SART3: variants seen among roughly 807,000 people sequenced by gnomAD.
The protein encoded by SART3 is spliceosome associated factor 3, U4/U6 recycling protein, also known as HIV-1 Tat-interacting protein of 110kDa.
Under a neutral mutation model 122.3 loss-of-function variants are expected in SART3, and 44 were observed. That is an observed-to-expected ratio of 0.36 (90% CI 0.28 to 0.46). SART3 has a LOEUF of 0.46. Ranked by LOEUF, SART3 falls within the 20% of genes least tolerant of loss-of-function variation. The pLI is 1.00. For missense variants in SART3, 1,101 were observed against 1,229.0 expected (o/e 0.90, Z 1.56); for synonymous variants, 442 against 454.0 (o/e 0.97, Z 0.34).
chr12:108,553,474 A>G lies in SART3; in HGVS notation c.313-4260T>C, dbSNP rs570893815. 3.3e-5 allele frequency among the ~76,000 whole-genome samples: 5 copies of G among 152,372 alleles called. No individual in the cohort carries two copies. The South Asian group carries it at 1.0e-3, about 32-fold the overall frequency. On this transcript the variant is annotated intron_variant, in intron 1 of 18. Coordinates refer to ENST00000546815, the MANE Select transcript of SART3 (RefSeq NM_014706.4). The stretch of plus-strand genomic sequence containing the variant: ...TTGTTTAAAAAGCTTTTGTTGGGAT[A>G]TAGGGATAATTTAAGTCTGTACACC...
intron 5 of SART3, among the ~76,000 whole-genome samples, chr12:108,543,679 T>C (rs1185770231): frequency 1.3e-5 from 2 of 152,190 alleles, no homozygotes; most frequent in Non-Finnish European, 2.9e-5. Flanking sequence ...ACCCAACCAT[T>C]TGATTAGACG....
Position 108,526,177 on chromosome 12 carries a change from C to T in SART3, c.2292G>A (p.Glu764=). ...KEEKSALQAL[E]MDRKSVEGRP... ...TCCCTTCTACACTTTTCCGGTCCAT[C>T]TCCAGTGCCTGAAGGGCTGATTTCT... The change falls in exon 16 of 19, where the codon GAG becomes GAA. Residue 764 remains glutamate (E), a synonymous_variant. Coordinates refer to ENST00000546815, the MANE Select transcript of SART3 (RefSeq NM_014706.4). 1 of 1,614,238 alleles carries T rather than the reference C, an allele frequency of 6.2e-7. No homozygotes were observed. Among genetic ancestry groups the T allele is most frequent in the South Asian group, 1.1e-5 (1 of 91,092 alleles).
intron 1 of SART3, among the ~76,000 whole-genome samples, chr12:108,551,816 G>A (rs73402786): frequency 0.025 from 3,783 of 152,136 alleles, 153 homozygotes; most frequent in African/African-American, 0.086. Flanking sequence ...CTCTGAACAC[G>A]TGAAAATTAA....
At chr12:108,555,871 G>C (rs1472043091) in intron 1 of SART3, among the ~76,000 whole-genome samples, 1 of 151,860 alleles carries the variant, frequency 6.6e-6, no homozygotes, top group Non-Finnish European at 1.5e-5. Flanking sequence ...ACCCTGCAAG[G>C]AAAGAAAAAA....
At chr12:108,559,883 C>T (rs2030416174) in intron 1 of SART3, among the ~76,000 whole-genome samples, 1 of 152,120 alleles carries the variant, frequency 6.6e-6, no homozygotes, top group Non-Finnish European at 1.5e-5. Context: ...ATTTCTTCCC[C>T]CACCTCAATC....
In SART3 at chr12:108,537,569, C is replaced by T. The variant is rs530361833; in HGVS notation, c.1228G>A (p.Gly410Ser). 6.8e-6 allele frequency: 11 copies of T among 1,613,968 alleles called. No homozygotes were observed. In the South Asian group the frequency reaches 9.9e-5, roughly 15 times the overall value. Residue 410 changes from glycine (G) to serine (S), a missense_variant, in exon 9 of 19, where the codon GGC (glycine) becomes AGC (serine). Gly to Ser is a moderately conservative substitution (Grantham distance 56). Around this residue, in one of 2 missense-constraint regions of SART3, gnomAD observed 885 missense variants for 1,080.1 expected, o/e 0.82. Transcript: ENST00000546815. ...SVTFEKALNA[G>S]FIQATDYVEI... ...ACATAATCAGTGGCCTGGATGAAGC[C>T]GGCATTCAAAGCTTTCTCGAAGGTT... is the stretch of plus-strand genomic sequence containing the variant.
At chr12:108,527,817 G>C (rs371920435) in intron 15 of SART3, among the ~76,000 whole-genome samples, 20 of 152,248 alleles carry the variant, frequency 1.3e-4, no homozygotes, top group African/African-American at 4.8e-4. Flanking sequence ...CCAGGCTGGA[G>C]TGCAACGGCA....
At chr12:108,525,250 A>T (rs1382225600) in intron 17 of SART3, among the ~76,000 whole-genome samples, 1 of 152,254 alleles carries the variant, frequency 6.6e-6, no homozygotes, top group Non-Finnish European at 1.5e-5. Flanking sequence ...CAAGTGTCTT[A>T]TTCTTTTTAG....
At chr12:108,553,353 T>C (rs1218583380) in intron 1 of SART3, among the ~76,000 whole-genome samples, 1 of 152,230 alleles carries the variant, frequency 6.6e-6, no homozygotes, top group African/African-American at 2.4e-5. Flanking sequence ...CAAAGTGTTA[T>C]CATTGAGGGA....
In SART3 at chr12:108,523,460, C is replaced by T. The variant is rs1358239479; in HGVS notation, c.2889G>A (p.Lys963=). 1 of 1,612,434 alleles carries T rather than the reference C, an allele frequency of 6.2e-7. No homozygotes were observed. Among genetic ancestry groups the T allele is most frequent in the South Asian group, 1.1e-5 (1 of 91,004 alleles). The part of the protein sequence containing the change: ...NADFAKLFLR[K] ...TTCCTGTCTCCCAGCGTCCCGTTCA[C>T]TTTCTCAGAAACAGCTTGGCAAAAT... Residue 963 remains lysine, a synonymous_variant, in exon 19 of 19, where the codon AAG becomes AAA. Coordinates refer to ENST00000546815, the MANE Select transcript of SART3 (RefSeq NM_014706.4).
intron 6 of SART3, among the ~76,000 whole-genome samples, chr12:108,541,011 A>G (rs1198460982): frequency 6.6e-6 from 1 of 152,240 alleles, no homozygotes; most frequent in Admixed American, 6.5e-5. Context: ...CTAAGTAGGG[A>G]ATATTTTTTA....
At chr12:108,537,803 C>G (rs1406925148) in intron 8 of SART3, 4 of 657,882 alleles carry the variant, frequency 6.1e-6, no homozygotes, top group Non-Finnish European at 1.0e-5. Context: ...CCACAAGACG[C>G]CCTGCAAGAA....
chr12:108,544,811 G>A, intron 4 of SART3: 1 of 568,712 alleles, frequency 1.8e-6, no homozygotes, highest in South Asian at 2.0e-5. Flanking sequence ...GTGATCCTCT[G>A]GCCTCAGCCT....
At chr12:108,547,470 C>G (rs1321356411) in intron 3 of SART3, among the ~76,000 whole-genome samples, 2 of 152,180 alleles carry the variant, frequency 1.3e-5, no homozygotes, top group Non-Finnish European at 2.9e-5. Flanking sequence ...AGGGAGTACA[C>G]AAGACTTCTC....
At chr12:108,551,671 C>G (rs2030015392) in intron 1 of SART3, among the ~76,000 whole-genome samples, 1 of 152,032 alleles carries the variant, frequency 6.6e-6, no homozygotes, top group African/African-American at 2.4e-5. Flanking sequence ...TTCTCAAGTA[C>G]TTACGGAACA....
At chr12:108,542,650 T>C (rs1873220915) in intron 6 of SART3, 1 of 348,086 alleles carries the variant, frequency 2.9e-6, no homozygotes, top group Non-Finnish European at 5.6e-6. Context: ...GATTCCAATA[T>C]ATAAAAGTTC....
chr12:108,526,000 A>G, intron 16 of SART3, 99 bp downstream of exon 16: 1 of 1,049,984 alleles, frequency 9.5e-7, no homozygotes, highest in South Asian at 1.4e-5. Flanking sequence ...AACAGAGCGT[A>G]AAACTTCCAT....
chr12:108,523,808 A>G (rs750995416), intron 18 of SART3, 174 bp from the exon 19 acceptor site: 111 of 682,348 alleles, frequency 1.6e-4, no homozygotes, highest in Non-Finnish European at 2.6e-4. Context: ...AAACTGCTTC[A>G]ACAGACTTGG....
rs138229332 is a variant in SART3, at chr12:108,528,891, G to A, written c.1915+1251C>T. 2.0e-3 allele frequency among the ~76,000 whole-genome samples: 298 copies of A among 152,294 alleles called. 1 individual carries two copies. Among genetic ancestry groups the A allele is most frequent in the African/African-American group, 6.7e-3 (277 of 41,532 alleles). On this transcript the variant is annotated intron_variant, in intron 15 of 18. Coordinates refer to ENST00000546815, the MANE Select transcript of SART3 (RefSeq NM_014706.4). ...AATCCCAGCACTTTGGGAGGCCGAG[G>A]CAGACAGATCACTTGAGGCCACAAG...
Sources: gnomAD v4.1 joint callset for allele counts (sites outside exome capture counted in the v4.1 genomes callset) on GRCh38, gnomAD v4.1.1 for gene constraint, gnomAD v4.1.1 regional missense constraint, MANE v1.5 for transcripts, NCBI Gene and HGNC (gene_info 2026-07-23, HGNC 2026-07-21) for gene names.